The following CEP128 variants were observed in gnomAD, a reference collection of about 807,000 sequenced individuals.
CEP128 encodes the protein centrosomal protein 128.
In CEP128, 132 loss-of-function variants were observed where a neutral mutation model predicts 156.7. The ratio of observed to expected loss-of-function variants is 0.84; its 90% confidence interval spans 0.73 to 0.97. CEP128 has a LOEUF of 0.97. Ranked by LOEUF, CEP128 falls within the 50% of genes least tolerant of loss-of-function variation. CEP128 has a pLI of 0.00. For missense variants in CEP128, 1,252 were observed against 1,281.9 expected (o/e 0.98, Z 0.36); for synonymous variants, 469 against 448.9 (o/e 1.04, Z -0.57).
intron 8 of CEP128, among the ~76,000 whole-genome samples, chr14:80,893,060 A>T (rs916354278): frequency 6.6e-6 from 1 of 152,116 alleles, no homozygotes; most frequent in African/African-American, 2.4e-5. Context: ...AATAGCCAAG[A>T]TATGGAAACA....
At chr14:80,688,115 C>T (rs925573569) in intron 19 of CEP128, among the ~76,000 whole-genome samples, 1 of 152,088 alleles carries the variant, frequency 6.6e-6, no homozygotes, top group Admixed American at 6.6e-5. Context: ...GCTATGGTCC[C>T]AATTTAATAT....
At chr14:80,616,490 C>A (rs574755330) in intron 19 of CEP128, among the ~76,000 whole-genome samples, 3 of 152,190 alleles carry the variant, frequency 2.0e-5, no homozygotes, top group Non-Finnish European at 4.4e-5. Context: ...AGAACCTGCA[C>A]TTTTCTTGGT....
At chr14:80,920,680 C>T (rs2139527465) in intron 2 of CEP128, among the ~76,000 whole-genome samples, 1 of 152,150 alleles carries the variant, frequency 6.6e-6, no homozygotes, top group Admixed American at 6.5e-5. Context: ...ATATTCAGGG[C>T]CATGAGAAAA....
chr14:80,842,284 A>G (rs1229812228), intron 9 of CEP128, among the ~76,000 whole-genome samples: 3 of 152,058 alleles, frequency 2.0e-5, no homozygotes, highest in Non-Finnish European at 4.4e-5. Flanking sequence ...ATAGTGAGAT[A>G]CTAAGGAACA....
At chr14:80,940,674 T>TTCC (rs1566728958) in intron 1 of CEP128, among the ~76,000 whole-genome samples, 2 of 142,300 alleles carry the variant, frequency 1.4e-5, no homozygotes, top group Admixed American at 7.0e-5. Context: ...GCCAGACTCC[T>TTCC]CAAAAAAAAA....
intron 21 of CEP128, among the ~76,000 whole-genome samples, chr14:80,532,929 A>G (rs1432963893): frequency 6.6e-6 from 1 of 152,114 alleles, no homozygotes; most frequent in Admixed American, 6.5e-5. Context: ...AAGTTCATAA[A>G]GTTCTCTTTT....
chr14:80,794,176 G>A (rs150802720), intron 13 of CEP128, among the ~76,000 whole-genome samples: 81 of 152,234 alleles, frequency 5.3e-4, no homozygotes, highest in African/African-American at 1.7e-3. Context: ...ACTGTACTAA[G>A]GTCCGGACAA....
At chr14:80,666,907 G>T (rs1484834906) in intron 19 of CEP128, among the ~76,000 whole-genome samples, 1 of 152,018 alleles carries the variant, frequency 6.6e-6, no homozygotes, top group Non-Finnish European at 1.5e-5. Flanking sequence ...AATCAGAATG[G>T]CATAGTAAGT....
intron 8 of CEP128, among the ~76,000 whole-genome samples, chr14:80,888,838 T>C (rs905986618): frequency 6.6e-6 from 1 of 152,168 alleles, no homozygotes; most frequent in Non-Finnish European, 1.5e-5. Context: ...GGAAGTCAAA[T>C]TGTCTCCGTT....
intron 13 of CEP128, among the ~76,000 whole-genome samples, chr14:80,826,568 C>G (rs1048731924): frequency 1.3e-5 from 2 of 151,848 alleles, no homozygotes; most frequent in Admixed American, 6.6e-5. Flanking sequence ...AAGAAACAAC[C>G]TTCCTTCTAT....
At chr14:80,599,022 T>C (rs558589328) in intron 19 of CEP128, among the ~76,000 whole-genome samples, 157 of 152,338 alleles carry the variant, frequency 1.0e-3, no homozygotes, top group African/African-American at 3.7e-3. Flanking sequence ...ATATTTCCAC[T>C]GAAGGAGAAT....
At position 80,661,753 on chromosome 14, in the gene CEP128, C is replaced by A. The variant is rs575822488; in HGVS notation, c.2806+81322G>T. ...ATATATGTATTAAGCAATATAAGTA[C>A]TTTTTCCTAGAGTGCTTTATACTTT... On this transcript the variant is annotated intron_variant, in intron 19 of 24. Coordinates refer to ENST00000555265, the MANE Select transcript of CEP128 (RefSeq NM_152446.5). 1.7e-4 allele frequency among the ~76,000 whole-genome samples: 26 copies of A among 152,208 alleles called. 1 individual carries two copies. In the South Asian group the frequency reaches 5.2e-3, roughly 30 times the overall value.
chr14:80,777,346 CAAG>C (rs1900849561), intron 16 of CEP128, among the ~76,000 whole-genome samples: 1 of 152,154 alleles, frequency 6.6e-6, no homozygotes, highest in African/African-American at 2.4e-5. Flanking sequence ...GAAGACACAG[CAAG>C]AAGAAGCATC....
intron 19 of CEP128, among the ~76,000 whole-genome samples, chr14:80,653,796 G>A (rs921872320): frequency 1.3e-5 from 2 of 152,132 alleles, no homozygotes; most frequent in Non-Finnish European, 2.9e-5. Flanking sequence ...CAAATTGTGA[G>A]ATGTGACCCA....
chr14:80,601,618 C>A (rs929924092), intron 19 of CEP128, among the ~76,000 whole-genome samples: 1 of 152,020 alleles, frequency 6.6e-6, no homozygotes, highest in Non-Finnish European at 1.5e-5. Flanking sequence ...CCTATTGTTC[C>A]TAGGCAATGA....
intron 8 of CEP128, among the ~76,000 whole-genome samples, chr14:80,872,901 G>T (rs1441734134): frequency 6.6e-6 from 1 of 152,154 alleles, no homozygotes; most frequent in Non-Finnish European, 1.5e-5. Context: ...TTCCAACAAT[G>T]TTATTATTAA....
At chr14:80,482,572 G>A (rs1339265410) in intron 14 of CEP128, among the ~76,000 whole-genome samples, 1 of 152,124 alleles carries the variant, frequency 6.6e-6, no homozygotes, top group Admixed American at 6.6e-5. Context: ...TCTAACTATA[G>A]CATAGGGCCT....
At chr14:80,802,091 A>C in intron 13 of CEP128, among the ~76,000 whole-genome samples, 1 of 152,020 alleles carries the variant, frequency 6.6e-6, no homozygotes, top group East Asian at 1.9e-4. Context: ...TGTTGGTAGG[A>C]AAGTAAATTA....
intron 21 of CEP128, among the ~76,000 whole-genome samples, chr14:80,544,674 T>C (rs1020264890): frequency 2.0e-5 from 3 of 152,188 alleles, no homozygotes; most frequent in Non-Finnish European, 4.4e-5. Context: ...GTAATAGTGA[T>C]TATTTAGTTC....
Sources: allele counts gnomAD v4.1 joint callset (sites outside exome capture counted in the v4.1 genomes callset), GRCh38; gene constraint gnomAD v4.1.1; transcripts MANE v1.5; gene names NCBI Gene and HGNC (gene_info 2026-07-23, HGNC 2026-07-21).